GRM8: variants seen among roughly 807,000 people sequenced by gnomAD.
The protein encoded by GRM8 is metabotropic glutamate receptor 8.
GRM8 carries 47 observed loss-of-function variants against 87.2 expected under a neutral mutation model. The ratio of observed to expected loss-of-function variants is 0.54; its 90% CI spans 0.43 to 0.69. GRM8 has a LOEUF of 0.69. Among genes scored for constraint, GRM8 ranks in the 30% least tolerant of loss-of-function variants. The probability of loss-of-function intolerance (pLI) is 0.00; values close to 1 mark genes in which losing one functional copy is unlikely to be tolerated. For synonymous variants in GRM8, 396 were observed against 404.5 expected (o/e 0.98, Z 0.25); for missense variants, 1,019 against 1,139.2 (o/e 0.89, Z 1.52).
intron 8 of GRM8, among the ~76,000 whole-genome samples, chr7:126,585,296 TAAA>T (rs1795993674): frequency 6.6e-6 from 1 of 152,198 alleles, no homozygotes; most frequent in African/African-American, 2.4e-5. Flanking sequence ...CAATAAGGCA[TAAA>T]CCCATCTGAG....
intron 9 of GRM8, among the ~76,000 whole-genome samples, chr7:126,451,180 T>C (rs1732317020): frequency 6.6e-6 from 1 of 151,798 alleles, no homozygotes; most frequent in Non-Finnish European, 1.5e-5. Context: ...GGTCACTCCC[T>C]TCGGTGCCTG....
chr7:126,497,520 T>C (rs886284650), intron 9 of GRM8, among the ~76,000 whole-genome samples: 4 of 151,956 alleles, frequency 2.6e-5, no homozygotes, highest in Non-Finnish European at 4.4e-5. Context: ...TATGTAGATA[T>C]ATTCGAAATA....
At chr7:126,575,965 T>C (rs1362045173) in intron 8 of GRM8, among the ~76,000 whole-genome samples, 1 of 152,156 alleles carries the variant, frequency 6.6e-6, no homozygotes, top group East Asian at 1.9e-4. Context: ...TGGAGGCTGA[T>C]GGAGGCAACC....
intron 3 of GRM8, among the ~76,000 whole-genome samples, chr7:127,016,320 C>A (rs1815662793): frequency 6.6e-6 from 1 of 151,972 alleles, no homozygotes; most frequent in Non-Finnish European, 1.5e-5. Flanking sequence ...ACATTCCAAT[C>A]CTAGATACAC....
chr7:126,832,417 C>A (rs1795478636), intron 6 of GRM8, among the ~76,000 whole-genome samples: 1 of 152,068 alleles, frequency 6.6e-6, no homozygotes. Context: ...TTAAACCTAT[C>A]TATATATTCT....
Position 127,243,340 on chromosome 7 carries a change from G to T in GRM8, c.-136C>A. On this transcript the variant is annotated 5_prime_UTR_variant, in exon 2 of 11. Coordinates refer to ENST00000339582, the MANE Select transcript of GRM8 (RefSeq NM_000845.3). Reference sequence around the variant, plus strand: ...GAAAAGGCTCTGTGGGCATTAGCAAGTTTTCTTGATTTGAATGTCACAGTG... The same window carrying T: ...GAAAAGGCTCTGTGGGCATTAGCAATTTTTCTTGATTTGAATGTCACAGTG... The T allele has an allele frequency of 1.4e-6, 1 of 707,578 alleles. No homozygotes were observed. The highest frequency in any genetic ancestry group is 2.3e-6 in the Non-Finnish European group (1 of 431,578). 43.8% of individuals were successfully genotyped at this position (707,578 alleles called of 1,614,324 possible).
chr7:126,907,912 T>C (rs1156384280), intron 3 of GRM8, among the ~76,000 whole-genome samples: 3 of 152,152 alleles, frequency 2.0e-5, no homozygotes, highest in Non-Finnish European at 4.4e-5. Flanking sequence ...TTAGAATCAA[T>C]GGGGCTTTGT....
chr7:126,706,553 G>A (rs935646538), intron 7 of GRM8, among the ~76,000 whole-genome samples: 1 of 152,140 alleles, frequency 6.6e-6, no homozygotes, highest in African/African-American at 2.4e-5. Context: ...ATTAGGAAGA[G>A]TAGTCTGCCT....
At chr7:127,158,717 C>T (rs564721451) in intron 2 of GRM8, among the ~76,000 whole-genome samples, 60 of 152,100 alleles carry the variant, frequency 3.9e-4, no homozygotes, top group Non-Finnish European at 8.4e-4. Flanking sequence ...AAGGCCCCGC[C>T]TCTTAATACT....
At chr7:126,794,562 T>C (rs964031782) in intron 6 of GRM8, among the ~76,000 whole-genome samples, 5 of 152,306 alleles carry the variant, frequency 3.3e-5, no homozygotes, top group South Asian at 2.1e-4. Flanking sequence ...TATTCTAATA[T>C]ATAAAAATAG....
intron 7 of GRM8, among the ~76,000 whole-genome samples, chr7:126,637,118 G>A (rs1290088027): frequency 2.0e-5 from 3 of 151,944 alleles, no homozygotes; most frequent in Admixed American, 6.6e-5. Context: ...TTATCTGAGG[G>A]CCAATATCCA....
intron 2 of GRM8, among the ~76,000 whole-genome samples, chr7:127,146,213 G>A (rs927222651): frequency 6.6e-6 from 1 of 151,982 alleles, no homozygotes; most frequent in African/African-American, 2.4e-5. Context: ...AGGTCTCATA[G>A]GGTAGCCAGC....
At chr7:126,464,569 C>A (rs1326034422) in intron 9 of GRM8, among the ~76,000 whole-genome samples, 1 of 151,472 alleles carries the variant, frequency 6.6e-6, no homozygotes, top group Admixed American at 6.6e-5. Flanking sequence ...GACTTCCTTT[C>A]AGTGGAGGTG....
At chr7:127,230,680 G>A (rs1395358091) in intron 2 of GRM8, among the ~76,000 whole-genome samples, 1 of 152,170 alleles carries the variant, frequency 6.6e-6, no homozygotes, top group Non-Finnish European at 1.5e-5. Flanking sequence ...AGAGACAGGA[G>A]AGAGCTTTTC....
intron 2 of GRM8, among the ~76,000 whole-genome samples, chr7:127,216,523 A>AAAAG (rs1796554062): frequency 6.6e-6 from 1 of 150,554 alleles, no homozygotes; most frequent in Admixed American, 6.6e-5. Flanking sequence ...GTCTCAAAAA[A>AAAAG]AAAAAAAAAA....
At chr7:126,649,040 TA>T (rs1803491023) in intron 7 of GRM8, among the ~76,000 whole-genome samples, 1 of 152,228 alleles carries the variant, frequency 6.6e-6, no homozygotes, top group South Asian at 2.1e-4. Flanking sequence ...CTTAGTCAAG[TA>T]CATCACACTA....
chr7:126,575,225 G>A (rs1795010654), intron 8 of GRM8, among the ~76,000 whole-genome samples: 1 of 150,898 alleles, frequency 6.6e-6, no homozygotes, highest in Admixed American at 6.7e-5. Context: ...AGGAGTGTGA[G>A]CCCTATTGTG....
intron 7 of GRM8, among the ~76,000 whole-genome samples, chr7:126,752,300 A>G (rs1816513105): frequency 6.6e-6 from 1 of 151,944 alleles, no homozygotes; most frequent in Admixed American, 6.6e-5. Context: ...AGCAAGACCA[A>G]GTCTCTAAAA....
chr7:126,706,194 G>C (rs1376684028), intron 7 of GRM8, among the ~76,000 whole-genome samples: 2 of 152,070 alleles, frequency 1.3e-5, no homozygotes, highest in African/African-American at 4.8e-5. Flanking sequence ...CTATAGTATA[G>C]GTGTTTTAAT....
Sources: gnomAD v4.1 joint callset for allele counts (sites outside exome capture counted in the v4.1 genomes callset) on GRCh38, gnomAD v4.1.1 for gene constraint, MANE v1.5 for transcripts, NCBI Gene and HGNC (gene_info 2026-07-23, HGNC 2026-07-21) for gene names.